Variants in TENM3 observed in about 807,000 individuals in gnomAD.
TENM3 encodes teneurin-3.
In TENM3, 63 loss-of-function variants were observed where a neutral mutation model predicts 255.1. The observed-to-expected ratio is 0.25, with a 90% confidence interval of 0.20 to 0.30. TENM3 has a LOEUF of 0.30. Ranked by LOEUF, TENM3 falls within the 10% of genes least tolerant of loss-of-function variation. The pLI, the probability that TENM3 is intolerant of heterozygous loss-of-function variation, is 1.00. For missense variants in TENM3, 2,929 were observed against 3,461.1 expected, an observed-to-expected ratio of 0.85 and a Z score of 3.86; for synonymous variants, 1,306 against 1,322.3, an observed-to-expected ratio of 0.99 and a Z score of 0.27.
chr4:182,548,764 A>G (rs1238075035), intron 3 of TENM3: 7 of 151,754 alleles, frequency 4.6e-5, no homozygotes, highest in African/African-American at 7.3e-5. Context: ...CAGTCTTGGG[A>G]TCTGTCTTAA....
intron 22 of TENM3, 35 bp downstream of exon 22, chr4:182,755,294 T>A: frequency 7.0e-7 from 1 of 1,434,012 alleles, no homozygotes; most frequent in South Asian, 1.4e-5. Flanking sequence ...GATTATAAAA[T>A]ACTGTGATAT....
chr4:182,149,552 A>G (rs74786470), intron 1 of TENM3, among the ~76,000 whole-genome samples: 58 of 152,134 alleles, frequency 3.8e-4, no homozygotes, highest in Middle Eastern at 3.4e-3. Context: ...GACTGAAACC[A>G]TATCATGTAA....
chr4:181,849,949 T>TCTCTCTCTCTCTCTCTCACACACACACA, the TENM3 span, among the ~76,000 whole-genome samples: 5 of 65,962 alleles, frequency 7.6e-5, no homozygotes, highest in East Asian at 1.5e-3. Context: ...TCTCTCTCTC[T>TCTCTCTCTCTCTCTCTCACACACACACA]CACACACACA....
intron 12 of TENM3, among the ~76,000 whole-genome samples, chr4:182,698,818 C>T (rs2152629492): frequency 6.6e-6 from 1 of 152,328 alleles, no homozygotes; most frequent in East Asian, 1.9e-4. Context: ...GCCAGTGCTA[C>T]TGAGAGGTAA....
chr4:181,682,715 A>AT, the TENM3 span, among the ~76,000 whole-genome samples: 1 of 152,204 alleles, frequency 6.6e-6, no homozygotes, highest in Non-Finnish European at 1.5e-5. Context: ...AATGAATTAA[A>AT]TTTTAAAAAA....
the TENM3 span, among the ~76,000 whole-genome samples, chr4:181,737,592 TTAAAAA>T: frequency 6.6e-6 from 1 of 152,100 alleles, no homozygotes; most frequent in Admixed American, 6.6e-5. Flanking sequence ...TTTTTCTCCT[TTAAAAA>T]TAACTGCATT....
At chr4:182,042,990 G>A in the TENM3 span, among the ~76,000 whole-genome samples, 1 of 91,070 alleles carries the variant, frequency 1.1e-5, no homozygotes, top group South Asian at 5.3e-4. Context: ...ATAGAAGGTC[G>A]TCTTTTTTTT....
intron 1 of TENM3, among the ~76,000 whole-genome samples, chr4:182,221,633 C>T (rs771036895): frequency 1.9e-4 from 29 of 152,100 alleles, no homozygotes; most frequent in African/African-American, 2.9e-4. Flanking sequence ...TCAGAAATCA[C>T]GATCCTTTAT....
At chr4:182,019,360 G>A in the TENM3 span, among the ~76,000 whole-genome samples, 1 of 152,078 alleles carries the variant, frequency 6.6e-6, no homozygotes, top group Non-Finnish European at 1.5e-5. Flanking sequence ...GCTCCCTCTT[G>A]TCCTCTGCTC....
intron 1 of TENM3, among the ~76,000 whole-genome samples, chr4:182,222,757 T>C (rs1388378217): frequency 2.6e-5 from 4 of 152,206 alleles, no homozygotes; most frequent in Admixed American, 2.6e-4. Flanking sequence ...TTTTTATTAG[T>C]ACATTTTAAT....
chr4:182,027,071 C>T, the TENM3 span, among the ~76,000 whole-genome samples: 3 of 152,048 alleles, frequency 2.0e-5, no homozygotes, highest in East Asian at 1.9e-4. Flanking sequence ...TTAACAATAT[C>T]GATTCTTCCA....
the TENM3 span, among the ~76,000 whole-genome samples, chr4:181,499,869 C>A: frequency 6.6e-6 from 1 of 152,134 alleles, no homozygotes; most frequent in Non-Finnish European, 1.5e-5. Flanking sequence ...ATCTTTCAGG[C>A]CGAAGAAAGG....
intron 3 of TENM3, among the ~76,000 whole-genome samples, chr4:182,439,202 A>AG (rs1363809727): frequency 1.9e-4 from 29 of 152,230 alleles, no homozygotes; most frequent in Admixed American, 1.6e-3. Context: ...CCAGGACTAG[A>AG]CAGTAATTGA....
the TENM3 span, among the ~76,000 whole-genome samples, chr4:181,476,667 A>G: frequency 1.3e-5 from 2 of 152,214 alleles, no homozygotes; most frequent in Non-Finnish European, 2.9e-5. Context: ...AAAAGAATGC[A>G]CAGCCCGTTT....
At chr4:181,611,004 C>A in the TENM3 span, among the ~76,000 whole-genome samples, 1 of 152,172 alleles carries the variant, frequency 6.6e-6, no homozygotes, top group Non-Finnish European at 1.5e-5. Flanking sequence ...TTTGTTAGTT[C>A]CAATGATTTT....
chr4:182,271,437 CCATG>C lies in TENM3; in HGVS notation c.-76+27965_-76+27968del, dbSNP rs1759616109. ...TAAATAAGGCCTTCCCGTCCTTCCA[CCATG>C]CATAGGTGGAGGCGCAGGACATCAG... is the stretch of plus-strand genomic sequence containing the variant. On this transcript the variant is annotated intron_variant, in intron 1 of 27. Transcript: ENST00000511685. Among the ~76,000 whole-genome samples, 13 of 152,252 alleles carry C rather than the reference CCATG, an allele frequency of 8.5e-5. No homozygotes were observed. In the South Asian group the frequency reaches 2.7e-3, roughly 32 times the overall value.
chr4:182,510,564 T>C (rs576054019), intron 3 of TENM3, among the ~76,000 whole-genome samples: 12 of 152,348 alleles, frequency 7.9e-5, no homozygotes, highest in Non-Finnish European at 1.8e-4. Context: ...TACATACATG[T>C]AGCATTTAAT....
intron 3 of TENM3, among the ~76,000 whole-genome samples, chr4:182,381,041 T>C (rs1397877368): frequency 1.3e-5 from 2 of 152,194 alleles, no homozygotes; most frequent in African/African-American, 4.8e-5. Context: ...ACGGGCAGTC[T>C]TCTAGTGCTT....
chr4:181,931,442 G>C, the TENM3 span, among the ~76,000 whole-genome samples: 2 of 152,058 alleles, frequency 1.3e-5, no homozygotes, highest in East Asian at 3.9e-4. Context: ...AAAATACCTA[G>C]GAATACAACT....
Sources: gnomAD v4.1 joint callset for allele counts (sites outside exome capture counted in the v4.1 genomes callset) on GRCh38, gnomAD v4.1.1 for gene constraint, MANE v1.5 for transcripts, NCBI Gene and HGNC (gene_info 2026-07-23, HGNC 2026-07-21) for gene names.